The following ENTPD5 variants were observed in gnomAD, a reference collection of about 807,000 sequenced individuals.
ENTPD5 encodes nucleoside diphosphate phosphatase ENTPD5.
ENTPD5 carries 49 observed loss-of-function variants against 60.2 expected under a neutral mutation model. That is an observed-to-expected ratio of 0.81 (90% CI 0.65 to 1.03). The LOEUF (loss-of-function observed/expected upper bound fraction) is 1.03, where lower values mean the gene tolerates loss of function less well. ENTPD5 is among the 50% of genes least tolerant of loss of function. The pLI, the probability that ENTPD5 is intolerant of heterozygous loss-of-function variation, is 0.00. For synonymous variants in ENTPD5, 187 were observed against 185.4 expected, an observed-to-expected ratio of 1.01 and a Z score of -0.07; for missense variants, 480 against 507.6, an observed-to-expected ratio of 0.95 and a Z score of 0.52.
At chr14:73,997,526 G>A (rs2058375242) in intron 3 of ENTPD5, among the ~76,000 whole-genome samples, 1 of 152,030 alleles carries the variant, frequency 6.6e-6, no homozygotes, top group South Asian at 2.1e-4. Flanking sequence ...TAAACATAAG[G>A]CAAGTTTAAA....
intron 6 of ENTPD5, among the ~76,000 whole-genome samples, chr14:73,981,034 G>A (rs967051795): frequency 6.6e-6 from 1 of 152,140 alleles, no homozygotes; most frequent in Non-Finnish European, 1.5e-5. Flanking sequence ...GGGAGGCAGA[G>A]GTTGTAGTGA....
downstream of ENTPD5, chr14:73,962,821 A>G (rs1168611959): frequency 1.5e-5 from 10 of 667,464 alleles, no homozygotes; most frequent in Non-Finnish European, 2.4e-5. Flanking sequence ...TGTCTCTAAA[A>G]CGTGTGTATA....
chr14:73,977,157 T>C (rs1350109125), intron 7 of ENTPD5, 98 bp from the exon 8 acceptor site: 1 of 1,300,712 alleles, frequency 7.7e-7, no homozygotes, highest in Non-Finnish European at 1.1e-6. Context: ...ATTCCATGTC[T>C]AGAGCACATG....
intron 15 of ENTPD5, among the ~76,000 whole-genome samples, chr14:73,968,803 T>C (rs990251286): frequency 2.0e-5 from 3 of 152,208 alleles, no homozygotes; most frequent in African/African-American, 4.8e-5. Context: ...ACCAGTTGAT[T>C]GTTCTGTGTT....
At chr14:74,010,743 T>C (rs1021998442) in intron 3 of ENTPD5, among the ~76,000 whole-genome samples, 1 of 152,188 alleles carries the variant, frequency 6.6e-6, no homozygotes. Flanking sequence ...TGGTCCCAGA[T>C]TGCTATCCTT....
chr14:74,016,837 A>G (rs1255537433), intron 1 of ENTPD5, among the ~76,000 whole-genome samples: 1 of 152,250 alleles, frequency 6.6e-6, no homozygotes, highest in Non-Finnish European at 1.5e-5. Flanking sequence ...CCAAATATAC[A>G]GCCTGTGACA....
At position 73,982,812 on chromosome 14, in the gene ENTPD5, A is replaced by C. The variant is rs546980073; in HGVS notation, c.441+206T>G. Reference sequence around the variant, plus strand: ...GAATATCCTAGATAGAAAGTACTTTAAATTTTTTAGGAAAAGCTCTATACA... The same window carrying C: ...GAATATCCTAGATAGAAAGTACTTTCAATTTTTTAGGAAAAGCTCTATACA... On this transcript the variant is annotated intron_variant, in intron 6 of 15. Coordinates refer to ENST00000334696, the MANE Select transcript of ENTPD5 (RefSeq NM_001249.5). Among the ~76,000 whole-genome samples the C allele has an allele frequency of 1.3e-3, 198 of 152,316 alleles. 1 individual carries two copies. The highest frequency in any genetic ancestry group is 4.6e-3 in the African/African-American group (191 of 41,574).
At chr14:73,992,768 C>T (rs921802551) in intron 3 of ENTPD5, among the ~76,000 whole-genome samples, 9 of 151,120 alleles carry the variant, frequency 6.0e-5, no homozygotes, top group African/African-American at 1.7e-4. Context: ...TTTGGGAGGC[C>T]GAGGCGGGCG....
At chr14:73,961,284 G>A (rs147444011), downstream of ENTPD5, 33 of 1,614,162 alleles carry the variant, frequency 2.0e-5, no homozygotes, top group Middle Eastern at 1.6e-4. Context: ...GCCCCCAAGC[G>A]TAGCCAGGGT....
At chr14:74,005,748 G>A (rs1316609339) in intron 3 of ENTPD5, among the ~76,000 whole-genome samples, 4 of 151,438 alleles carry the variant, frequency 2.6e-5, no homozygotes, top group Admixed American at 6.6e-5. Context: ...CAGAGGTTGC[G>A]GTAAGCTGAG....
intron 3 of ENTPD5, among the ~76,000 whole-genome samples, chr14:73,992,632 G>A (rs192402188): frequency 1.1e-4 from 16 of 148,372 alleles, no homozygotes; most frequent in South Asian, 4.3e-4. Flanking sequence ...TGCAGCAAGC[G>A]GAGATTGTGC....
intron 3 of ENTPD5, among the ~76,000 whole-genome samples, chr14:73,997,784 G>T (rs2140752578): frequency 6.6e-6 from 1 of 152,244 alleles, no homozygotes; most frequent in Non-Finnish European, 1.5e-5. Flanking sequence ...GGTATCTTTT[G>T]TATTACCAAA....
rs2058568081 is a variant in ENTPD5 at position 74,003,345 on chromosome 14, G to C, written c.-71+7746C>G. On this transcript the variant is annotated intron_variant, in intron 3 of 15. Coordinates refer to ENST00000334696, the MANE Select transcript of ENTPD5 (RefSeq NM_001249.5). ...TCAATAAAAACTGACAATAGAAATG[G>C]GCTAGGGTTTCTCTCAGCCTTAGCG... is the stretch of plus-strand genomic sequence containing the variant. 7.6e-6 allele frequency: 4 copies of C among 526,770 alleles called. No homozygotes were observed. In the East Asian group the frequency reaches 1.7e-4, roughly 23 times the overall value. 32.6% of individuals were successfully genotyped at this position (526,770 alleles called of 1,614,324 possible).
At chr14:73,993,913 C>T (rs767458109) in intron 3 of ENTPD5, among the ~76,000 whole-genome samples, 32 of 107,590 alleles carry the variant, frequency 3.0e-4, no homozygotes, top group Non-Finnish European at 5.0e-4. Context: ...TCTGTTTTCA[C>T]GAAAAAACAA....
chr14:73,993,404 G>A (rs2058218405), intron 3 of ENTPD5, among the ~76,000 whole-genome samples: 1 of 152,164 alleles, frequency 6.6e-6, no homozygotes, highest in Non-Finnish European at 1.5e-5. Flanking sequence ...GGAACCATCC[G>A]TTAGAACACT....
At chr14:73,989,314 C>A (rs1438675120) in intron 3 of ENTPD5, among the ~76,000 whole-genome samples, 1 of 151,852 alleles carries the variant, frequency 6.6e-6, no homozygotes, top group Non-Finnish European at 1.5e-5. Context: ...CTAATCCCAG[C>A]ACTTTGGGAG....
intron 15 of ENTPD5, among the ~76,000 whole-genome samples, chr14:73,967,799 CAAAAA>C (rs33926682): frequency 2.8e-4 from 27 of 97,824 alleles, no homozygotes; most frequent in African/African-American, 7.9e-4. Context: ...GACCCTGTCT[CAAAAA>C]AAAAAAAAAA....
chr14:73,986,069 CAAA>C (rs534512335), intron 5 of ENTPD5, among the ~76,000 whole-genome samples: 11 of 79,284 alleles, frequency 1.4e-4, no homozygotes, highest in Admixed American at 4.5e-4. Flanking sequence ...GATACTCCGT[CAAA>C]AAAAAAAAAA....
In ENTPD5 at chr14:73,990,143, C is replaced by T. The variant is rs1044456901; in HGVS notation, c.-70-1971G>A. The stretch of plus-strand genomic sequence containing the variant: ...AAGGTTACAGTGAGCTATGATCATG[C>T]CATTGCACTCCAGCCTGGGTGACAA... On this transcript the variant is annotated intron_variant, in intron 3 of 15. Coordinates refer to ENST00000334696, the MANE Select transcript of ENTPD5 (RefSeq NM_001249.5). Among the ~76,000 whole-genome samples, 9 of 152,056 alleles carry T rather than the reference C, an allele frequency of 5.9e-5. 1 individual carries two copies. The highest frequency in any genetic ancestry group is 7.4e-5 in the Non-Finnish European group (5 of 68,012).
Sources: allele counts gnomAD v4.1 joint callset (sites outside exome capture counted in the v4.1 genomes callset), GRCh38; gene constraint gnomAD v4.1.1; transcripts MANE v1.5; gene names NCBI Gene and HGNC (gene_info 2026-07-23, HGNC 2026-07-21).